The following MAEA variants were observed in gnomAD, a reference collection of about 807,000 sequenced individuals.
MAEA encodes the protein E3 ubiquitin-protein transferase MAEA.
MAEA carries 22 observed loss-of-function variants against 46.2 expected under a neutral mutation model. That is an observed-to-expected ratio of 0.48 (90% CI 0.34 to 0.68). The LOEUF is 0.68. MAEA is among the 30% of genes least tolerant of loss of function. MAEA has a pLI of 0.01. For synonymous variants in MAEA, 246 were observed against 222.6 expected (o/e 1.11, Z -0.94); for missense variants, 393 against 558.1 (o/e 0.70, Z 2.98).
At position 1,305,294 on chromosome 4, in the gene MAEA, G is replaced by A. The variant is rs570635381; in HGVS notation, c.70-6685G>A. ...GTCCCTGTGGAAAGCCGCTGCACTA[G>A]GTGAGCCCGGCCCTGGTGAGGGTGC... is the stretch of plus-strand genomic sequence containing the variant. On this transcript the variant is annotated intron_variant, in intron 1 of 8. Coordinates refer to ENST00000303400, the MANE Select transcript of MAEA (RefSeq NM_001017405.3). Among the ~76,000 whole-genome samples the A allele has an allele frequency of 9.3e-4, 142 of 152,296 alleles. 1 individual carries two copies. The highest frequency in any genetic ancestry group is 3.4e-3 in the African/African-American group (140 of 41,564).
chr4:1,335,202 GGTT>G, intron 6 of MAEA: 1 of 985,418 alleles, frequency 1.0e-6, no homozygotes, highest in South Asian at 4.7e-5. Context: ...AACATGGACC[GGTT>G]GTTTTCCATT....
intron 5 of MAEA, 127 bp from the exon 6 acceptor site, chr4:1,332,630 A>T (rs1214117514): frequency 9.3e-6 from 6 of 643,216 alleles, no homozygotes; most frequent in Admixed American, 2.8e-5. Flanking sequence ...CCTGAGCCTG[A>T]GAGTTCGAGG....
At chr4:1,332,621 C>T (rs1711989010) in intron 5 of MAEA, 136 bp from the exon 6 acceptor site, 2 of 616,416 alleles carry the variant, frequency 3.2e-6, no homozygotes, top group Non-Finnish European at 5.8e-6. Flanking sequence ...GGAAGATCGC[C>T]TGAGCCTGAG....
chr4:1,312,773 G>A (rs1003099338), intron 2 of MAEA, among the ~76,000 whole-genome samples: 1 of 152,162 alleles, frequency 6.6e-6, no homozygotes, highest in African/African-American at 2.4e-5. Context: ...GGAGCATGTG[G>A]AGTTCCTTGT....
chr4:1,315,340 G>A (rs1736988428), intron 2 of MAEA, 57 bp from the exon 3 acceptor site: 4 of 1,540,584 alleles, frequency 2.6e-6, no homozygotes, highest in Non-Finnish European at 2.7e-6. Flanking sequence ...GGCCTCCCTT[G>A]GTGCAGGGCT....
chr4:1,334,805 G>A (rs1488372922), intron 6 of MAEA: 1 of 919,336 alleles, frequency 1.1e-6, no homozygotes, highest in African/African-American at 1.8e-5. Flanking sequence ...GAGGCAACCA[G>A]TCCTGGGGAG....
In MAEA at chr4:1,327,005, G is replaced by A. The variant is rs564273315; in HGVS notation, c.580-622G>A. 9.4e-5 allele frequency among the ~76,000 whole-genome samples: 14 copies of A among 149,112 alleles called. No homozygotes were observed. The East Asian group carries it at 2.2e-3, about 23-fold the overall frequency. ...GTCCCTGTCTCCTCCCCGCCCTGCC[G>A]ACCTGGGTCCTGCCTGCTCCAAGCT... On this transcript the variant is annotated intron_variant, in intron 4 of 8. Coordinates refer to ENST00000303400, the MANE Select transcript of MAEA (RefSeq NM_001017405.3).
chr4:1,329,973 C>T (rs1316762500), intron 5 of MAEA: 11 of 985,320 alleles, frequency 1.1e-5, no homozygotes, highest in Non-Finnish European at 1.3e-5. Flanking sequence ...AGGCCAGCAG[C>T]CTAGCCTCTG....
intron 6 of MAEA, among the ~76,000 whole-genome samples, chr4:1,334,040 A>G (rs186570373): frequency 0.024 from 311 of 12,804 alleles, 44 homozygotes; most frequent in African/African-American, 0.038. Context: ...CATGCCCACC[A>G]TGTGCTCACC....
At chr4:1,313,871 C>T (rs965160325) in intron 2 of MAEA, among the ~76,000 whole-genome samples, 4 of 151,736 alleles carry the variant, frequency 2.6e-5, no homozygotes, top group African/African-American at 4.8e-5. Context: ...GGCAAAACCC[C>T]ATCTCTACAA....
chr4:1,337,202 G>A (rs1400600036), intron 7 of MAEA: 1 of 588,502 alleles, frequency 1.7e-6, no homozygotes, highest in African/African-American at 1.9e-5. Flanking sequence ...TTCACTCTGG[G>A]AAGTGGCGCG....
intron 5 of MAEA, chr4:1,329,569 G>A (rs1739277905): frequency 9.1e-6 from 9 of 985,298 alleles, no homozygotes; most frequent in African/African-American, 7.0e-5. Flanking sequence ...GGGGGCAGGC[G>A]CAGTGTGAGC....
intron 7 of MAEA, chr4:1,338,162 G>A (rs574165794): frequency 1.8e-5 from 8 of 445,652 alleles, no homozygotes; most frequent in Admixed American, 3.7e-5. Context: ...GGCGGGCGAC[G>A]GAGCCACTCT....
intron 1 of MAEA, chr4:1,309,543 A>G: frequency 7.0e-7 from 1 of 1,423,310 alleles, no homozygotes; most frequent in Non-Finnish European, 9.2e-7. Flanking sequence ...CATCCCCTGA[A>G]CTCAGATTGG....
At chr4:1,321,731 C>T (rs1407644977) in intron 3 of MAEA, among the ~76,000 whole-genome samples, 1 of 152,162 alleles carries the variant, frequency 6.6e-6, no homozygotes, top group African/African-American at 2.4e-5. Context: ...CCTTGCCGTG[C>T]CTGGTGGAGT....
At position 1,325,034 on chromosome 4, in the gene MAEA, G is replaced by A. The variant is rs567295995; in HGVS notation, c.579+2531G>A. Among the ~76,000 whole-genome samples, 17 of 152,262 alleles carry A rather than the reference G, an allele frequency of 1.1e-4. No homozygotes were observed. In the East Asian group the frequency reaches 1.5e-3, roughly 14 times the overall value. On this transcript the variant is annotated intron_variant, in intron 4 of 8. Transcript: ENST00000303400. ...GCGCCCTGAAGACTCCAAATGACACGAAAACATGCCCGGTACGAGATGCGG... is the reference window on the plus strand; with the variant it reads ...GCGCCCTGAAGACTCCAAATGACACAAAAACATGCCCGGTACGAGATGCGG...
At chr4:1,338,286 AAGAC>A in intron 7 of MAEA, 132 bp from the exon 8 acceptor site, 1 of 648,322 alleles carries the variant, frequency 1.5e-6, no homozygotes. Flanking sequence ...TGTGCCTCGA[AAGAC>A]AGCCCCGTGT....
rs1736992614 is a variant in MAEA, at chr4:1,315,367, C to G, written c.253-30C>G. 5 of 1,610,118 alleles carry G rather than the reference C, an allele frequency of 3.1e-6. No individual in the cohort carries two copies. The South Asian group carries it at 4.4e-5, about 14-fold the overall frequency. On this transcript the variant is annotated intron_variant, in intron 2 of 8. Coordinates refer to ENST00000303400, the MANE Select transcript of MAEA (RefSeq NM_001017405.3). ...TGCAGGGCTGCGGGGCATCCCTGTC[C>G]TGAACGTGCCTCTGTTGTGTGTGGC...
chr4:1,334,069 C>CCCA lies in MAEA; in HGVS notation c.765+1206_765+1207insACC, dbSNP rs760331464. Among the ~76,000 whole-genome samples, 20 of 20,468 alleles carry CCCA rather than the reference C, an allele frequency of 9.8e-4. 2 individuals carry two copies. Among genetic ancestry groups the CCCA allele is most frequent in the African/African-American group, 3.6e-3 (10 of 2,778 alleles). The allele number at this position is 20,468 out of a possible 152,430, so 13.4% of individuals were successfully genotyped here. On this transcript the variant is annotated intron_variant, in intron 6 of 8. Transcript: ENST00000303400. ...GCTCACCCCTGCACCCACCCCCATGCCCGTGTGCTCACCCCTGCACCCATC... is the reference window on the plus strand; with the variant it reads ...GCTCACCCCTGCACCCACCCCCATGCCCACCGTGTGCTCACCCCTGCACCCATC...
Sources: gnomAD v4.1 joint callset for allele counts (sites outside exome capture counted in the v4.1 genomes callset) on GRCh38, gnomAD v4.1.1 for gene constraint, MANE v1.5 for transcripts, NCBI Gene and HGNC (gene_info 2026-07-23, HGNC 2026-07-21) for gene names.